Variants in SAMD4A observed in about 807,000 individuals in gnomAD.
SAMD4A encodes the protein protein Smaug homolog 1.
In SAMD4A, 33 loss-of-function variants were observed where a neutral mutation model predicts 81.3. The ratio of observed to expected loss-of-function variants is 0.41; its 90% confidence interval spans 0.31 to 0.54. The LOEUF (loss-of-function observed/expected upper bound fraction) is 0.54, where lower values mean the gene tolerates loss of function less well. SAMD4A is among the 20% of genes least tolerant of loss of function. SAMD4A has a pLI of 0.37. For synonymous variants in SAMD4A, 389 were observed against 382.1 expected, an observed-to-expected ratio of 1.02 and a Z score of -0.21; for missense variants, 854 against 951.1, an observed-to-expected ratio of 0.90 and a Z score of 1.34.
intron 7 of SAMD4A, among the ~76,000 whole-genome samples, chr14:54,762,369 G>A (rs897893827): frequency 4.6e-5 from 7 of 152,198 alleles, no homozygotes; most frequent in Non-Finnish European, 1.0e-4. Context: ...CAAGTTTGCA[G>A]TAAGAACAAC....
Position 54,774,961 on chromosome 14 carries a change from C to T in SAMD4A, c.1743C>T (p.Leu581=). ...GAGGCTTTGGGCAATCCAACTCCCT[C>T]CCGACGGCTGGCTCTGTGGGCGGTG... ...RNRGFGQSNS[L]PTAGSVGGGM... The change falls in exon 10 of 13, where the codon CTC becomes CTT. Residue 581 remains leucine (L), a synonymous_variant. Transcript: ENST00000554335. 1 of 1,614,260 alleles carries T rather than the reference C, an allele frequency of 6.2e-7. No homozygotes were observed. Among genetic ancestry groups the T allele is most frequent in the Non-Finnish European group, 8.5e-7 (1 of 1,180,050 alleles).
At chr14:54,713,772 A>C (rs1347552688) in intron 3 of SAMD4A, among the ~76,000 whole-genome samples, 1 of 150,800 alleles carries the variant, frequency 6.6e-6, no homozygotes, top group African/African-American at 2.5e-5. Context: ...GGAATTAATT[A>C]TAAGGCTGTG....
intron 2 of SAMD4A, among the ~76,000 whole-genome samples, chr14:54,667,704 CCAGT>C (rs2035786304): frequency 6.6e-6 from 1 of 152,220 alleles, no homozygotes; most frequent in Non-Finnish European, 1.5e-5. Flanking sequence ...ATTTGTTTCA[CCAGT>C]AACTCAGGTG....
intron 2 of SAMD4A, among the ~76,000 whole-genome samples, chr14:54,579,505 T>A (rs926748342): frequency 2.0e-5 from 3 of 152,246 alleles, no homozygotes; most frequent in African/African-American, 7.2e-5. Flanking sequence ...AAAAAACATG[T>A]ATTTTTAATG....
chr14:54,737,904 G>C (rs905960626), intron 4 of SAMD4A, among the ~76,000 whole-genome samples: 7 of 151,896 alleles, frequency 4.6e-5, no homozygotes, highest in Non-Finnish European at 1.0e-4. Flanking sequence ...GGTGATAAAG[G>C]CCTTTTGTGT....
At chr14:54,604,755 C>G (rs1467584528) in intron 2 of SAMD4A, among the ~76,000 whole-genome samples, 3 of 152,082 alleles carry the variant, frequency 2.0e-5, no homozygotes, top group African/African-American at 7.2e-5. Context: ...AATTATAAAA[C>G]CTATCATACA....
At chr14:54,677,899 G>T (rs1430285533) in intron 2 of SAMD4A, among the ~76,000 whole-genome samples, 1 of 152,156 alleles carries the variant, frequency 6.6e-6, no homozygotes, top group Admixed American at 6.5e-5. Context: ...TTTCTAAATA[G>T]CTTCTAATGT....
intron 2 of SAMD4A, among the ~76,000 whole-genome samples, chr14:54,685,011 G>GT (rs1179733883): frequency 3.3e-5 from 5 of 152,256 alleles, no homozygotes; most frequent in African/African-American, 1.2e-4. Context: ...CCTAAAGATT[G>GT]TTAGAAAAAA....
intron 2 of SAMD4A, among the ~76,000 whole-genome samples, chr14:54,618,116 A>G (rs948874522): frequency 2.1e-4 from 32 of 152,210 alleles, no homozygotes; most frequent in African/African-American, 7.7e-4. Flanking sequence ...AAATACTCTC[A>G]ACTTGAGTAA....
At chr14:54,618,104 T>C (rs965028991) in intron 2 of SAMD4A, among the ~76,000 whole-genome samples, 19 of 152,230 alleles carry the variant, frequency 1.2e-4, no homozygotes, top group Non-Finnish European at 2.1e-4. Flanking sequence ...GAATAAAATA[T>C]TAAATACTCT....
chr14:54,620,613 T>G (rs961086761), intron 2 of SAMD4A, among the ~76,000 whole-genome samples: 1 of 152,190 alleles, frequency 6.6e-6, no homozygotes, highest in Admixed American at 6.5e-5. Flanking sequence ...TTAGGCTGTT[T>G]TTAGGTCTGA....
chr14:54,665,527 G>A (rs376110403), intron 2 of SAMD4A, among the ~76,000 whole-genome samples: 181 of 152,346 alleles, frequency 1.2e-3, no homozygotes, highest in African/African-American at 4.3e-3. Flanking sequence ...CCTCTCTGCA[G>A]TTCTGGACAA....
intron 2 of SAMD4A, among the ~76,000 whole-genome samples, chr14:54,662,476 C>T (rs1212398815): frequency 6.7e-6 from 1 of 149,516 alleles, no homozygotes; most frequent in Non-Finnish European, 1.5e-5. Context: ...GTGGCACTAT[C>T]TCAGCTCACT....
At chr14:54,756,402 T>C (rs993214077) in intron 6 of SAMD4A, among the ~76,000 whole-genome samples, 2 of 152,198 alleles carry the variant, frequency 1.3e-5, no homozygotes, top group African/African-American at 4.8e-5. Flanking sequence ...TTCATGCTGT[T>C]TATCCTTTCC....
intron 2 of SAMD4A, among the ~76,000 whole-genome samples, chr14:54,685,277 C>CG (rs1555343088): frequency 2.7e-5 from 4 of 147,036 alleles, no homozygotes; most frequent in African/African-American, 5.1e-5. Flanking sequence ...TCTTCCTGCC[C>CG]CCCCCCCCAG....
rs1193163741 is a variant in SAMD4A at position 54,724,048 on chromosome 14, G to GGAAGGAAGGAAGGAAGGAAT, written c.716-12973_716-12972insGGAAGGAAGGAAGGAATGAA. ...AGGAAGGAAGGAAGGAAGGAAGGAAGGAATAATGCAGGACGCATCTATTCA... is the reference window on the plus strand; with the variant it reads ...AGGAAGGAAGGAAGGAAGGAAGGAAGGAAGGAAGGAAGGAAGGAATGAATAATGCAGGACGCATCTATTCA... On this transcript the variant is annotated intron_variant, in intron 3 of 12. Coordinates refer to ENST00000554335, the MANE Select transcript of SAMD4A (RefSeq NM_015589.6). 5.2e-4 allele frequency among the ~76,000 whole-genome samples: 78 copies of GGAAGGAAGGAAGGAAGGAAT among 151,058 alleles called. No homozygotes were observed. In the East Asian group the frequency reaches 8.8e-3, roughly 17 times the overall value.
intron 3 of SAMD4A, among the ~76,000 whole-genome samples, chr14:54,735,978 T>TC (rs556499633): frequency 1.1e-3 from 160 of 152,272 alleles, no homozygotes; most frequent in African/African-American, 3.7e-3. Context: ...GTGGCTCAAT[T>TC]CCGTGTTAGT....
chr14:54,733,993 T>C (rs574484215), intron 3 of SAMD4A, among the ~76,000 whole-genome samples: 210 of 152,318 alleles, frequency 1.4e-3, no homozygotes, highest in African/African-American at 4.9e-3. Flanking sequence ...CCTATTTTCT[T>C]GTAGCCTCTT....
chr14:54,688,954 G>A (rs112280351), intron 2 of SAMD4A, among the ~76,000 whole-genome samples: 35,864 of 86,632 alleles, frequency 0.41, 5,646 homozygotes, highest in Non-Finnish European at 0.54. Context: ...TTTTTGAGGC[G>A]GAGTTTTGCT....
Sources: allele counts gnomAD v4.1 joint callset (sites outside exome capture counted in the v4.1 genomes callset), GRCh38; gene constraint gnomAD v4.1.1; transcripts MANE v1.5; gene names NCBI Gene and HGNC (gene_info 2026-07-23, HGNC 2026-07-21).